Variants in PCDHA12 observed in about 807,000 individuals in gnomAD.
PCDHA12 encodes the protein protocadherin alpha 12, also known as protocadherin alpha-12.
Under a neutral mutation model 60.0 loss-of-function variants are expected in PCDHA12, and 44 were observed. The ratio of observed to expected loss-of-function variants is 0.73; its 90% CI spans 0.58 to 0.94. The LOEUF is 0.94. Ranked by LOEUF, PCDHA12 falls within the 40% of genes least tolerant of loss-of-function variation. The pLI is 0.00. For synonymous variants in PCDHA12, 569 were observed against 553.0 expected (o/e 1.03, Z -0.40); for missense variants, 1,276 against 1,239.7 (o/e 1.03, Z -0.44).
chr5:140,999,368 A>G (rs549083218), intron 3 of PCDHA12, among the ~76,000 whole-genome samples: 1 of 152,280 alleles, frequency 6.6e-6, no homozygotes, highest in African/African-American at 2.4e-5. Context: ...TCACAATCCC[A>G]TTAGATGGTT....
intron 3 of PCDHA12, among the ~76,000 whole-genome samples, chr5:141,004,888 G>C (rs555046086): frequency 2.0e-5 from 3 of 152,132 alleles, no homozygotes; most frequent in Admixed American, 6.5e-5. Flanking sequence ...GTGCTATTGT[G>C]TCAGCTCTGC....
intron 1 of PCDHA12, among the ~76,000 whole-genome samples, chr5:140,931,396 G>A (rs1554208395): frequency 1.3e-5 from 2 of 152,118 alleles, no homozygotes; most frequent in Non-Finnish European, 2.9e-5. Context: ...ATAAGTAAGC[G>A]ATAGGAAGGC....
intron 1 of PCDHA12, among the ~76,000 whole-genome samples, chr5:140,913,256 T>C (rs1162098506): frequency 6.6e-6 from 1 of 152,208 alleles, no homozygotes; most frequent in East Asian, 1.9e-4. Context: ...ACAACTTTGA[T>C]CTAATTACTT....
intron 1 of PCDHA12, among the ~76,000 whole-genome samples, chr5:140,971,388 C>A (rs1554233283): frequency 6.6e-6 from 1 of 152,132 alleles, no homozygotes; most frequent in Non-Finnish European, 1.5e-5. Flanking sequence ...TTAATAAAGG[C>A]AAATTTCTGC....
intron 1 of PCDHA12, chr5:140,883,056 A>G (rs1554176597): frequency 6.2e-7 from 1 of 1,614,176 alleles, no homozygotes; most frequent in Admixed American, 1.7e-5. Context: ...TTAGTGATCA[A>G]GCTAAATGCC....
intron 1 of PCDHA12, chr5:140,883,811 G>A: frequency 6.2e-7 from 1 of 1,612,586 alleles, no homozygotes; most frequent in African/African-American, 1.3e-5. Context: ...CGCGGAGAGC[G>A]GCAAGGTGTA....
intron 1 of PCDHA12, among the ~76,000 whole-genome samples, chr5:140,937,364 T>C (rs1471697724): frequency 6.6e-6 from 1 of 152,150 alleles, no homozygotes; most frequent in African/African-American, 2.4e-5. Flanking sequence ...TATTTTATCT[T>C]AATGTTTATG....
intron 1 of PCDHA12, among the ~76,000 whole-genome samples, chr5:140,945,549 G>A (rs246058): frequency 0.56 from 85,718 of 151,780 alleles, 24,784 homozygotes; most frequent in African/African-American, 0.69. Context: ...ACAAAAAAAT[G>A]AAGCTGAAGA....
chr5:141,006,290 C>G (rs1465211339), intron 3 of PCDHA12, among the ~76,000 whole-genome samples: 5 of 152,050 alleles, frequency 3.3e-5, no homozygotes, highest in Non-Finnish European at 5.9e-5. Flanking sequence ...CAGCTCACTG[C>G]AAGCTCCACT....
intron 1 of PCDHA12, among the ~76,000 whole-genome samples, chr5:140,897,816 G>C (rs1305259522): frequency 1.1e-4 from 16 of 152,078 alleles, no homozygotes; most frequent in Non-Finnish European, 1.9e-4. Flanking sequence ...CAGTGTAAAA[G>C]TGTTCCTATT....
intron 1 of PCDHA12, chr5:140,927,843 CTT>C (rs1563097902): frequency 4.3e-6 from 7 of 1,614,186 alleles, no homozygotes; most frequent in African/African-American, 2.7e-5. Flanking sequence ...ACGAAGGTGT[CTT>C]TGGTTTAGCT....
intron 1 of PCDHA12, among the ~76,000 whole-genome samples, chr5:140,963,203 AAAAC>A (rs1457721166): frequency 6.6e-6 from 1 of 152,100 alleles, no homozygotes; most frequent in African/African-American, 2.4e-5. Context: ...AATGAAAAAA[AAAAC>A]CTCGTGTTTA....
chr5:140,907,111 C>T (rs1465808747), intron 1 of PCDHA12, among the ~76,000 whole-genome samples: 1 of 152,130 alleles, frequency 6.6e-6, no homozygotes, highest in African/African-American at 2.4e-5. Flanking sequence ...ACTTCCACCC[C>T]TTGATTCCTG....
At chr5:140,933,501 G>A (rs1320553451) in intron 1 of PCDHA12, among the ~76,000 whole-genome samples, 2 of 151,978 alleles carry the variant, frequency 1.3e-5, no homozygotes, top group Non-Finnish European at 2.9e-5. Flanking sequence ...GAATTGTTAA[G>A]CAAAGACTAC....
chr5:140,883,740 C>G (rs2059789153), intron 1 of PCDHA12: 1 of 1,613,368 alleles, frequency 6.2e-7, no homozygotes, highest in Non-Finnish European at 8.5e-7. Context: ...GCGCTGGTCT[C>G]CTACTCGCTG....
intron 1 of PCDHA12, among the ~76,000 whole-genome samples, chr5:140,887,600 G>A (rs1306659335): frequency 6.6e-6 from 1 of 151,812 alleles, no homozygotes; most frequent in African/African-American, 2.4e-5. Context: ...TGATTGTGAT[G>A]TGCTTTAGTA....
At chr5:140,889,160 A>T (rs1582978614) in intron 1 of PCDHA12, among the ~76,000 whole-genome samples, 1 of 151,778 alleles carries the variant, frequency 6.6e-6, no homozygotes, top group Middle Eastern at 3.4e-3. Context: ...TTCTTTGTTA[A>T]GTATTCAAGT....
chr5:141,006,636 A>G (rs1322633928), intron 3 of PCDHA12, among the ~76,000 whole-genome samples: 3 of 152,210 alleles, frequency 2.0e-5, no homozygotes, highest in African/African-American at 7.2e-5. Context: ...TGCAATTCAT[A>G]TAAGAGATGA....
chr5:140,951,145 T>G (rs2094553191), intron 1 of PCDHA12, among the ~76,000 whole-genome samples: 1 of 100,698 alleles, frequency 9.9e-6, no homozygotes, highest in South Asian at 2.6e-4. Flanking sequence ...TTTATCTTAT[T>G]GAATATAGTT....
Sources: allele counts gnomAD v4.1 joint callset (sites outside exome capture counted in the v4.1 genomes callset), GRCh38; gene constraint gnomAD v4.1.1; transcripts MANE v1.5; gene names NCBI Gene and HGNC (gene_info 2026-07-23, HGNC 2026-07-21).